HAPLN4: variants seen among roughly 807,000 people sequenced by gnomAD.
The protein encoded by HAPLN4 is hyaluronan and proteoglycan link protein 4.
In HAPLN4, 19 loss-of-function variants were observed where a neutral mutation model predicts 28.0. The ratio of observed to expected loss-of-function variants is 0.68; its 90% CI spans 0.47 to 1.00. The LOEUF (loss-of-function observed/expected upper bound fraction) is 1.00. Ranked by LOEUF, HAPLN4 falls within the 50% of genes least tolerant of loss-of-function variation. The pLI, the probability that HAPLN4 is intolerant of heterozygous loss-of-function variation, is 0.00. For missense variants in HAPLN4, 587 were observed against 602.6 expected (o/e 0.97, Z 0.27); for synonymous variants, 274 against 273.0 (o/e 1.00, Z -0.03).
Position 19,257,896 on chromosome 19 carries a change from C to A in HAPLN4, c.1130G>T (p.Trp377Leu). 6.7e-7 allele frequency: 1 copy of A among 1,490,300 alleles called. No individual in the cohort carries two copies. Among genetic ancestry groups the A allele is most frequent in the Non-Finnish European group, 8.9e-7 (1 of 1,127,310 alleles). 92.3% of individuals were successfully genotyped at this position (1,490,300 alleles called of 1,614,324 possible). Residue 377 changes from tryptophan to leucine, a missense_variant, in exon 5 of 5, where the codon TGG becomes TTG. Physicochemically the swap from Trp to Leu is moderately conservative, Grantham distance 61. Coordinates refer to ENST00000291481, the MANE Select transcript of HAPLN4 (RefSeq NM_023002.3). ...GCCGCCGCCCGCCCAGCCCCAGCCC[C>A]AGCCGCCAGGTGCCGGGTCCGGTGC... ...PGAPDPAPGG[W>L]GWGWAGGGGW...
chr19:19,261,394 T>G, intron 2 of HAPLN4, 52 bp downstream of exon 2: 1 of 1,506,238 alleles, frequency 6.6e-7, no homozygotes, highest in Non-Finnish European at 9.2e-7. Flanking sequence ...TCTCCGCACT[T>G]GGCCACTTCT....
Position 19,257,673 on chromosome 19 carries a change from G to A in HAPLN4, c.*144C>T, listed in dbSNP as rs75590738. 27,292 of 1,021,808 alleles carry A rather than the reference G, an allele frequency of 0.027. 432 individuals are homozygous for A. Among genetic ancestry groups the A allele is most frequent in the Middle Eastern group, 0.034 (96 of 2,856 alleles). The allele number at this position is 1,021,808 out of a possible 1,614,324, so 63.3% of individuals were successfully genotyped here. ...TTCTGCCAGGACTAGCCAGTCTTCA[G>A]GGACCCCAGGGGCACAGTTAGTTTG... On this transcript the variant is annotated 3_prime_UTR_variant, in exon 5 of 5. Transcript: ENST00000291481.
chr19:19,257,687 A>G lies in HAPLN4; in HGVS notation c.*130T>C. ...GCCAGTCTTCAGGGACCCCAGGGGC[A>G]CAGTTAGTTTGTAAGGGACCACAGG... On this transcript the variant is annotated 3_prime_UTR_variant, in exon 5 of 5. Coordinates refer to ENST00000291481, the MANE Select transcript of HAPLN4 (RefSeq NM_023002.3). 8.9e-7 allele frequency: 1 copy of G among 1,125,852 alleles called. No individual in the cohort carries two copies. Among genetic ancestry groups the G allele is most frequent in the Non-Finnish European group, 1.1e-6 (1 of 871,442 alleles). The allele number at this position is 1,125,852 out of a possible 1,614,324, so 69.7% of individuals were successfully genotyped here. A position where few individuals can be genotyped will look rare whatever the true frequency, so the allele number is the denominator to read the frequency against.
Position 19,258,371 on chromosome 19 carries a change from C to T in HAPLN4, c.817+152G>A. 1.8e-6 allele frequency: 2 copies of T among 1,090,730 alleles called. No individual in the cohort carries two copies. The highest frequency in any genetic ancestry group is 2.6e-5 in the Admixed American group (1 of 38,340). 67.6% of individuals were successfully genotyped at this position (1,090,730 alleles called of 1,614,324 possible). On this transcript the variant is annotated intron_variant, in intron 4 of 4. Coordinates refer to ENST00000291481, the MANE Select transcript of HAPLN4 (RefSeq NM_023002.3). This position sits in a 1 kb window ranked among gnomAD's most constrained non-coding sequence, Gnocchi z 6.2. The stretch of plus-strand genomic sequence containing the variant: ...GCCTGGGACCCCAGCCTAGGCCCAA[C>T]CAGCGTTGGTACCAGGCGGTGTGTG...
intron 3 of HAPLN4, among the ~76,000 whole-genome samples, chr19:19,260,391 A>T (rs1189368756): frequency 1.3e-5 from 2 of 151,790 alleles, no homozygotes; most frequent in East Asian, 3.9e-4. Flanking sequence ...TAATTTTTGT[A>T]TTTTTACTAG....
intron 1 of HAPLN4, chr19:19,261,810 C>T (rs574938868): frequency 1.6e-5 from 7 of 441,704 alleles, no homozygotes; most frequent in African/African-American, 1.0e-4. Context: ...TCATTCCCCC[C>T]CACCCCAAAA....
At chr19:19,261,963 G>T (rs1437512254) in intron 1 of HAPLN4, among the ~76,000 whole-genome samples, 1 of 152,192 alleles carries the variant, frequency 6.6e-6, no homozygotes, top group East Asian at 1.9e-4. Flanking sequence ...GGCAGGGAGG[G>T]GGGAGAGCTG....
Position 19,258,889 on chromosome 19 carries a change from C to T in HAPLN4, c.485-34G>A. On this transcript the variant is annotated intron_variant, in intron 3 of 4. Coordinates refer to ENST00000291481, the MANE Select transcript of HAPLN4 (RefSeq NM_023002.3). This position sits in a 1 kb window ranked among gnomAD's most constrained non-coding sequence, Gnocchi z 6.2. ...GGGCGCACGGGATCAGCAGGTACAC[C>T]CCAGCCCACCCTCATGCACCTGACG... 1 of 1,470,968 alleles carries T rather than the reference C, an allele frequency of 6.8e-7. No individual in the cohort carries two copies. The highest frequency in any genetic ancestry group is 9.1e-7 in the Non-Finnish European group (1 of 1,104,322). 91.1% of individuals were successfully genotyped at this position (1,470,968 alleles called of 1,614,324 possible). A position where few individuals can be genotyped will look rare whatever the true frequency, so the allele number is the denominator to read the frequency against.
intron 3 of HAPLN4, among the ~76,000 whole-genome samples, chr19:19,259,661 T>G (rs2060977120): frequency 6.6e-6 from 1 of 152,118 alleles, no homozygotes; most frequent in African/African-American, 2.4e-5. Flanking sequence ...GGAAATTAAA[T>G]TAGAGACTCC....
At chr19:19,262,709 C>A (rs772525584) in intron 1 of HAPLN4, 21 bp downstream of exon 1, 1 of 1,612,298 alleles carries the variant, frequency 6.2e-7, no homozygotes, top group Non-Finnish European at 8.5e-7. Flanking sequence ...ACACACCACC[C>A]GCGCCCGCAG....
chr19:19,258,677 G>T lies in HAPLN4; in HGVS notation c.663C>A (p.Tyr221Ter), dbSNP rs534234011. Residue 221 changes from tyrosine (Y) to a stop codon, truncating the protein, a stop_gained, in exon 4 of 5, where the codon TAC (tyrosine) becomes TAA (stop). Coordinates refer to ENST00000291481, the MANE Select transcript of HAPLN4 (RefSeq NM_023002.3). LOFTEE classifies it high-confidence loss of function. The surrounding 1 kb of genome is among the most constrained non-coding windows in gnomAD (Gnocchi z 6.2). ...AGGGCTCCCGGGGCCGGTTCACGGG[G>T]TATTGCACTGAGCCGTCGCGCAACC... ...AGWLRDGSVQ[Y>*]PVNRPREPCG... is the part of the protein sequence containing the mutation. 1.2e-5 allele frequency: 19 copies of T among 1,609,574 alleles called. No homozygotes were observed. In the East Asian group the frequency reaches 3.6e-4, roughly 30 times the overall value.
chr19:19,257,834 T>A lies in HAPLN4; in HGVS notation c.1192A>T (p.Thr398Ser). The part of the protein sequence containing the change: ...AGGARDPAAW[T>S]PLHV ...CTCCCAGCCTAGACGTGCAGAGGGGTCCAGGCAGCAGGATCGCGCGCGCCC... is the reference window on the plus strand; with the variant it reads ...CTCCCAGCCTAGACGTGCAGAGGGGACCAGGCAGCAGGATCGCGCGCGCCC... The change falls in exon 5 of 5, where the codon ACC becomes TCC. Residue 398 changes from threonine to serine, a missense_variant. Physicochemically the swap from Thr to Ser is moderately conservative, Grantham distance 58. Transcript: ENST00000291481. 7.1e-7 allele frequency: 1 copy of A among 1,414,416 alleles called. No homozygotes were observed. 87.6% of individuals were successfully genotyped at this position (1,414,416 alleles called of 1,614,324 possible).
chr19:19,259,279 C>A (rs563140024), intron 3 of HAPLN4, among the ~76,000 whole-genome samples: 5 of 152,258 alleles, frequency 3.3e-5, no homozygotes, highest in African/African-American at 9.6e-5. Flanking sequence ...AGTGCTGACT[C>A]TCCTAGACTA....
chr19:19,261,003 GA>G lies in HAPLN4; in HGVS notation c.293del (p.Val98AlafsTer5). 6.2e-7 allele frequency: 1 copy of G among 1,613,746 alleles called. No individual in the cohort carries two copies. On this transcript the variant is annotated frameshift_variant, in exon 3 of 5. Transcript: ENST00000291481. LOFTEE classifies it high-confidence loss of function. ...GGTGCTGGGGGCCTAGTGCCACGAA[GA>G]CGTCGGTGAAGGCCAGCGGGTCCAC... The part of the protein sequence containing the change: ...KVVDPLAFTD[V>X]FVALGPQHRA...
chr19:19,258,128 C>G lies in HAPLN4; in HGVS notation c.898G>C (p.Val300Leu). The G allele has an allele frequency of 6.5e-7, 1 of 1,550,138 alleles. No individual in the cohort carries two copies. The highest frequency in any genetic ancestry group is 8.7e-7 in the Non-Finnish European group (1 of 1,154,822). Residue 300 changes from valine to leucine, a missense_variant, in exon 5 of 5, where the codon GTG (valine) becomes CTG (leucine). Coordinates refer to ENST00000291481, the MANE Select transcript of HAPLN4 (RefSeq NM_023002.3). This position sits in a 1 kb window ranked among gnomAD's most constrained non-coding sequence, Gnocchi z 6.2. Reference protein sequence around the residue: ...ARACAARGAAVAKVGQLFAAW... With the variant: ...ARACAARGAALAKVGQLFAAW... ...GCGAACAGCTGCCCCACCTTGGCCA[C>G]GGCCGCGCCACGCGCAGCACACGCG...
In HAPLN4 at chr19:19,255,188, A is replaced by C. The variant is rs1406346245; in HGVS notation, c.*2629T>G. On this transcript the variant is annotated 3_prime_UTR_variant, in exon 5 of 5. Transcript: ENST00000291481. ...GACAGTGGGCACAGGATGGGGGAAG[A>C]AAGAGGAGCAAGAGATTGGGGAGGT... The C allele has an allele frequency of 1.3e-5, 2 of 152,182 alleles. No individual in the cohort carries two copies. The highest frequency in any genetic ancestry group is 4.8e-5 in the African/African-American group (2 of 41,408). The allele number at this position is 152,182 out of a possible 1,614,324, so 9.4% of individuals were successfully genotyped here.
chr19:19,257,831 G>T lies in HAPLN4; in HGVS notation c.1195C>A (p.Pro399Thr). 7.1e-7 allele frequency: 1 copy of T among 1,409,554 alleles called. No homozygotes were observed. Among genetic ancestry groups the T allele is most frequent in the Non-Finnish European group, 9.2e-7 (1 of 1,091,778 alleles). The allele number at this position is 1,409,554 out of a possible 1,614,324, so 87.3% of individuals were successfully genotyped here. ...GGARDPAAWT[P>T]LHV is the part of the protein sequence containing the mutation. ...CTACTCCCAGCCTAGACGTGCAGAG[G>T]GGTCCAGGCAGCAGGATCGCGCGCG... is the stretch of plus-strand genomic sequence containing the variant. The change falls in exon 5 of 5, where the codon CCT becomes ACT. Residue 399 changes from proline (P) to threonine (T), a missense_variant. By Grantham distance (38) the Pro-to-Thr change is conservative (BLOSUM62 -1). Coordinates refer to ENST00000291481, the MANE Select transcript of HAPLN4 (RefSeq NM_023002.3).
chr19:19,258,002 G>A lies in HAPLN4; in HGVS notation c.1024C>T (p.Arg342Cys), dbSNP rs1442894214. 1.3e-6 allele frequency: 2 copies of A among 1,515,144 alleles called. No homozygotes were observed. Among genetic ancestry groups the A allele is most frequent in the Non-Finnish European group, 1.8e-6 (2 of 1,138,298 alleles). 93.9% of individuals were successfully genotyped at this position (1,515,144 alleles called of 1,614,324 possible). Residue 342 changes from arginine to cysteine, a missense_variant, in exon 5 of 5, where the codon CGC (arginine) becomes TGC (cysteine). Coordinates refer to ENST00000291481, the MANE Select transcript of HAPLN4 (RefSeq NM_023002.3). This position sits in a 1 kb window ranked among gnomAD's most constrained non-coding sequence, Gnocchi z 6.2. ...IVNPRARCGG[R>C]RPGVRSLGFP... ...CCGAGGCTGCGCACACCAGGCCTGCGGCCTCCGCAGCGCGCTCGCGGGTTC... is the reference window on the plus strand; with the variant it reads ...CCGAGGCTGCGCACACCAGGCCTGCAGCCTCCGCAGCGCGCTCGCGGGTTC...
At chr19:19,262,301 G>A (rs1424057254) in intron 1 of HAPLN4, among the ~76,000 whole-genome samples, 2 of 150,482 alleles carry the variant, frequency 1.3e-5, no homozygotes, top group African/African-American at 2.5e-5. Context: ...GACAGAGATG[G>A]AGAGGGAGAG....
Sources: allele counts gnomAD v4.1 joint callset (sites outside exome capture counted in the v4.1 genomes callset), GRCh38; gene constraint gnomAD v4.1.1; non-coding constraint Gnocchi (gnomAD v3.1); transcripts MANE v1.5; gene names NCBI Gene and HGNC (gene_info 2026-07-23, HGNC 2026-07-21).